The following MTHFD2L variants were observed in gnomAD, a reference collection of about 807,000 sequenced individuals.
MTHFD2L encodes the protein bifunctional methylenetetrahydrofolate dehydrogenase/cyclohydrolase 2, mitochondrial.
Under a neutral mutation model 34.9 loss-of-function variants are expected in MTHFD2L, and 29 were observed. The observed-to-expected ratio is 0.83, with a 90% CI of 0.62 to 1.13. The LOEUF (loss-of-function observed/expected upper bound fraction) is 1.13, where lower values mean the gene tolerates loss of function less well. Among genes scored for constraint, MTHFD2L ranks in the 50% most tolerant of loss-of-function variants. The pLI, the probability that MTHFD2L is intolerant of heterozygous loss-of-function variation, is 0.00. For synonymous variants in MTHFD2L, 167 were observed against 155.7 expected (o/e 1.07, Z -0.54); for missense variants, 481 against 446.5 (o/e 1.08, Z -0.70).
At chr4:74,279,040 T>C (rs993422322) in intron 6 of MTHFD2L, among the ~76,000 whole-genome samples, 1 of 152,088 alleles carries the variant, frequency 6.6e-6, no homozygotes, top group African/African-American at 2.4e-5. Flanking sequence ...CAGTGAAAAG[T>C]TTTCTAAAAT....
Position 74,225,478 on chromosome 4 carries a change from T to C in MTHFD2L, c.805+84T>C, listed in dbSNP as rs1437469447. ...AAATGCTGACATGTTTGAAAGCTTT[T>C]TGAGAGAGTTAGCTTTATGTATGAC... On this transcript the variant is annotated intron_variant, in intron 6 of 7. Coordinates refer to ENST00000325278, the MANE Select transcript of MTHFD2L (RefSeq NM_001144978.3). The C allele has an allele frequency of 2.7e-6, 3 of 1,098,142 alleles. No individual in the cohort carries two copies. The East Asian group carries it at 7.2e-5, about 26-fold the overall frequency. The allele number at this position is 1,098,142 out of a possible 1,614,324, so 68.0% of individuals were successfully genotyped here. A position where few individuals can be genotyped will look rare whatever the true frequency, so the allele number is the denominator to read the frequency against.
chr4:74,276,413 C>T (rs1231744919), intron 6 of MTHFD2L, among the ~76,000 whole-genome samples: 1 of 151,852 alleles, frequency 6.6e-6, no homozygotes, highest in Non-Finnish European at 1.5e-5. Context: ...AATGCTTGAG[C>T]CCTCAAATTA....
At chr4:74,176,153 C>T (rs1023146276) in intron 3 of MTHFD2L, among the ~76,000 whole-genome samples, 1 of 151,954 alleles carries the variant, frequency 6.6e-6, no homozygotes, top group Non-Finnish European at 1.5e-5. Flanking sequence ...GATCACTTTC[C>T]TCGTTTGTGT....
intron 6 of MTHFD2L, among the ~76,000 whole-genome samples, chr4:74,277,438 A>G (rs1004153988): frequency 6.6e-6 from 1 of 152,010 alleles, no homozygotes; most frequent in South Asian, 2.1e-4. Context: ...AGTTACTAGG[A>G]TGCCCCATTC....
At chr4:74,122,561 T>C (rs994640212), upstream of MTHFD2L, among the ~76,000 whole-genome samples, 3 of 152,178 alleles carry the variant, frequency 2.0e-5, no homozygotes, top group African/African-American at 4.8e-5. Context: ...GGATATATTA[T>C]AATAAAACGT....
intron 6 of MTHFD2L, among the ~76,000 whole-genome samples, chr4:74,261,243 C>G (rs1209754624): frequency 6.6e-6 from 1 of 151,894 alleles, no homozygotes; most frequent in Non-Finnish European, 1.5e-5. Context: ...TCAAGATAAT[C>G]AACTGATAAA....
intron 3 of MTHFD2L, among the ~76,000 whole-genome samples, chr4:74,186,722 CAG>C (rs2110004991): frequency 2.6e-5 from 4 of 152,126 alleles, no homozygotes; most frequent in African/African-American, 9.6e-5. Context: ...GTTTATGGAT[CAG>C]AAGACTAAAT....
chr4:74,177,827 C>CT lies in MTHFD2L; in HGVS notation c.451+2427dup, dbSNP rs1462247205. Among the ~76,000 whole-genome samples the CT allele has an allele frequency of 8.6e-5, 13 of 151,996 alleles. No individual in the cohort carries two copies. The East Asian group carries it at 2.5e-3, about 29-fold the overall frequency. ...AGTAATGCTGCACATTGCAGCATTA[C>CT]TTTAAGATACATAATCAACTTTAGT... On this transcript the variant is annotated intron_variant, in intron 3 of 7. Transcript: ENST00000325278.
At chr4:74,293,071 G>A (rs1273802582) in intron 7 of MTHFD2L, among the ~76,000 whole-genome samples, 1 of 151,884 alleles carries the variant, frequency 6.6e-6, no homozygotes, top group East Asian at 1.9e-4. Context: ...TATACTTTAA[G>A]CTCTAGGGTA....
At chr4:74,200,081 A>G in intron 4 of MTHFD2L, 135 bp downstream of exon 4, 1 of 700,818 alleles carries the variant, frequency 1.4e-6, no homozygotes, top group Non-Finnish European at 2.2e-6. Context: ...GTGTACAGAG[A>G]GATATAAAAT....
chr4:74,153,092 AG>A (rs1442663634), intron 1 of MTHFD2L, among the ~76,000 whole-genome samples: 4 of 152,146 alleles, frequency 2.6e-5, no homozygotes, highest in Non-Finnish European at 5.9e-5. Context: ...TCAGTTTCTT[AG>A]TAAGCTTATC....
At chr4:74,127,145 C>A (rs1722141129) in intron 1 of MTHFD2L, among the ~76,000 whole-genome samples, 1 of 152,102 alleles carries the variant, frequency 6.6e-6, no homozygotes, top group South Asian at 2.1e-4. Flanking sequence ...TGCCTCTTTT[C>A]TTTATAAATT....
chr4:74,233,266 T>G (rs980349376), intron 6 of MTHFD2L, among the ~76,000 whole-genome samples: 11 of 152,090 alleles, frequency 7.2e-5, no homozygotes, highest in Admixed American at 7.2e-4. Flanking sequence ...CAAGAGAAGA[T>G]AGAAGCCTAG....
intron 1 of MTHFD2L, among the ~76,000 whole-genome samples, chr4:74,144,896 A>C (rs543325): frequency 0.012 from 1,866 of 152,252 alleles, 34 homozygotes; most frequent in African/African-American, 0.042. Context: ...GATAAGAAGA[A>C]ATGAATGAAT....
chr4:74,266,653 T>G (rs960740781), intron 6 of MTHFD2L, among the ~76,000 whole-genome samples: 2 of 152,184 alleles, frequency 1.3e-5, no homozygotes, highest in African/African-American at 4.8e-5. Context: ...CTTTTCGAAC[T>G]CAACCCTTCC....
intron 6 of MTHFD2L, among the ~76,000 whole-genome samples, chr4:74,271,670 T>C (rs1475118245): frequency 2.3e-4 from 35 of 152,194 alleles, no homozygotes; most frequent in Admixed American, 2.3e-3. Flanking sequence ...TTTGGTTCCA[T>C]ATGAACTTTA....
intron 5 of MTHFD2L, chr4:74,223,997 T>G (rs1399466665): frequency 6.6e-6 from 1 of 152,108 alleles, no homozygotes; most frequent in African/African-American, 2.4e-5. Flanking sequence ...CACATCCATT[T>G]TTATTACTCA....
chr4:74,284,501 T>C (rs945867843), intron 7 of MTHFD2L, among the ~76,000 whole-genome samples: 3 of 152,100 alleles, frequency 2.0e-5, no homozygotes, highest in African/African-American at 7.2e-5. Flanking sequence ...TCCGTTAATA[T>C]CCTTCGCCCA....
intron 6 of MTHFD2L, among the ~76,000 whole-genome samples, chr4:74,273,423 TA>T (rs754721826): frequency 2.0e-5 from 3 of 152,184 alleles, no homozygotes; most frequent in Non-Finnish European, 2.9e-5. Context: ...ATTTCACTTT[TA>T]TTTTTTTGCC....
Sources: gnomAD v4.1 joint callset for allele counts (sites outside exome capture counted in the v4.1 genomes callset) on GRCh38, gnomAD v4.1.1 for gene constraint, MANE v1.5 for transcripts, NCBI Gene and HGNC (gene_info 2026-07-23, HGNC 2026-07-21) for gene names.